Variants in ME3 observed in about 807,000 individuals in gnomAD.
ME3 encodes NADP-dependent malic enzyme, mitochondrial.
A neutral mutation model predicts 68.9 loss-of-function variants in ME3; 48 were observed. The ratio of observed to expected loss-of-function variants is 0.70; its 90% confidence interval spans 0.55 to 0.89. The LOEUF is 0.89. Among genes scored for constraint, ME3 ranks in the 40% least tolerant of loss-of-function variants. The pLI is 0.00. For missense variants in ME3, 675 were observed against 797.4 expected (o/e 0.85, Z 1.85); for synonymous variants, 320 against 318.8 (o/e 1.00, Z -0.04).
At chr11:86,655,845 C>A (rs921484824) in intron 2 of ME3, among the ~76,000 whole-genome samples, 23 of 152,128 alleles carry the variant, frequency 1.5e-4, no homozygotes, top group Admixed American at 2.6e-4. Flanking sequence ...TCGCAACCTA[C>A]TCATCTGACA....
chr11:86,521,467 G>A (rs1484716451), intron 4 of ME3, among the ~76,000 whole-genome samples: 2 of 136,072 alleles, frequency 1.5e-5, no homozygotes, highest in Non-Finnish European at 3.2e-5. Flanking sequence ...AAATGGAGCT[G>A]TAATCATTAA....
At chr11:86,474,164 G>A (rs1355911774) in intron 7 of ME3, among the ~76,000 whole-genome samples, 1 of 152,148 alleles carries the variant, frequency 6.6e-6, no homozygotes, top group Non-Finnish European at 1.5e-5. Flanking sequence ...TGGTGTGCTG[G>A]GGTCTGGCAG....
chr11:86,462,757 A>G, intron 8 of ME3: 1 of 477,780 alleles, frequency 2.1e-6, no homozygotes. Flanking sequence ...AATGCAATAC[A>G]GGCTTTTGGG....
chr11:86,519,868 G>A (rs1472538249), intron 4 of ME3, among the ~76,000 whole-genome samples: 1 of 152,256 alleles, frequency 6.6e-6, no homozygotes, highest in African/African-American at 2.4e-5. Context: ...CCTTGGAAGA[G>A]CTTTAAAATC....
At chr11:86,518,973 A>G (rs1366847498) in intron 4 of ME3, among the ~76,000 whole-genome samples, 1 of 152,222 alleles carries the variant, frequency 6.6e-6, no homozygotes, top group Non-Finnish European at 1.5e-5. Context: ...TGTCCCCCAC[A>G]GGTGTCAGAG....
intron 2 of ME3, among the ~76,000 whole-genome samples, chr11:86,600,763 C>T (rs1165497951): frequency 2.0e-5 from 3 of 151,864 alleles, no homozygotes; most frequent in African/African-American, 7.3e-5. Context: ...TCTCAGACCA[C>T]AGTGCAATCA....
chr11:86,488,285 T>C (rs898681065), intron 6 of ME3, among the ~76,000 whole-genome samples: 2 of 152,176 alleles, frequency 1.3e-5, no homozygotes, highest in African/African-American at 4.8e-5. Flanking sequence ...CAGGCAGAAT[T>C]TCATTGAAGT....
intron 2 of ME3, among the ~76,000 whole-genome samples, chr11:86,573,272 TCTTTA>T (rs1957908238): frequency 6.6e-6 from 1 of 152,202 alleles, no homozygotes; most frequent in African/African-American, 2.4e-5. Context: ...GTTGAGAAGC[TCTTTA>T]GTTTAATTAG....
intron 4 of ME3, among the ~76,000 whole-genome samples, chr11:86,547,239 C>CAAAA (rs1169843852): frequency 7.8e-4 from 36 of 45,898 alleles, no homozygotes; most frequent in African/African-American, 1.8e-3. Flanking sequence ...GACTCCATCT[C>CAAAA]AAAAAAAAAA....
chr11:86,452,757 T>C (rs998115113), intron 8 of ME3, among the ~76,000 whole-genome samples: 2 of 152,244 alleles, frequency 1.3e-5, no homozygotes, highest in Admixed American at 1.3e-4. Flanking sequence ...TTTATATAAG[T>C]TCTGTTGGAG....
intron 10 of ME3, 59 bp downstream of exon 10, chr11:86,449,830 T>C (rs1949533362): frequency 7.7e-7 from 1 of 1,299,654 alleles, no homozygotes; most frequent in Non-Finnish European, 1.1e-6. Context: ...CCTCTTCCAG[T>C]CCAGTTCCTG....
In ME3 at chr11:86,578,995, C is replaced by T. The variant is rs531759255; in HGVS notation, c.184-19172G>A. ...GCTCTAGCAAGTTCTAGAAATGAGA[C>T]TTGAATTTTGAGTTCTATTTCACCT... On this transcript the variant is annotated intron_variant, in intron 2 of 14. Transcript: ENST00000543262. Among the ~76,000 whole-genome samples the T allele has an allele frequency of 1.1e-4, 17 of 152,184 alleles. No homozygotes were observed. In the South Asian group the frequency reaches 1.2e-3, roughly 11 times the overall value.
chr11:86,508,677 G>GT, intron 5 of ME3, 115 bp downstream of exon 5: 2 of 902,514 alleles, frequency 2.2e-6, no homozygotes, highest in Non-Finnish European at 3.6e-6. Context: ...GGAATGGGAG[G>GT]TAGTATGCTG....
rs1010627657 is a variant in ME3 at position 86,493,379 on chromosome 11, A to G, written c.705+4584T>C. The stretch of plus-strand genomic sequence containing the variant: ...TGCCAAGAGAAGATCTCCAAGGCTC[A>G]GCAGGGTCATTTTAAAGCCAAGCTC... On this transcript the variant is annotated intron_variant, in intron 6 of 14. Transcript: ENST00000543262. Among the ~76,000 whole-genome samples, 3 of 152,334 alleles carry G rather than the reference A, an allele frequency of 2.0e-5. No individual in the cohort carries two copies. In the East Asian group the frequency reaches 5.8e-4, roughly 29 times the overall value.
intron 2 of ME3, among the ~76,000 whole-genome samples, chr11:86,655,708 ACACCAAAAGCAGTGG>A (rs1196680276): frequency 1.3e-5 from 2 of 151,836 alleles, no homozygotes; most frequent in Non-Finnish European, 2.9e-5. Context: ...CATGTCTAAA[ACACCAAAAGCAGTGG>A]CAACAAAAGA....
chr11:86,478,041 C>T (rs1231590855), intron 7 of ME3, among the ~76,000 whole-genome samples: 2 of 152,128 alleles, frequency 1.3e-5, no homozygotes, highest in Non-Finnish European at 2.9e-5. Context: ...TCTGTGCTTC[C>T]TCAGATGTGG....
At chr11:86,602,279 C>T (rs963607346) in intron 2 of ME3, among the ~76,000 whole-genome samples, 17 of 147,342 alleles carry the variant, frequency 1.2e-4, no homozygotes, top group Admixed American at 4.3e-4. Flanking sequence ...AATCAATGTA[C>T]AAAAATCACA....
chr11:86,521,455 A>AATAATAATAATAAT (rs57608294), intron 4 of ME3, among the ~76,000 whole-genome samples: 75 of 114,660 alleles, frequency 6.5e-4, no homozygotes, highest in African/African-American at 2.1e-3. Flanking sequence ...ATAATAATAA[A>AATAATAATAATAAT]AAAATGGAGC....
chr11:86,478,191 A>G (rs1393553728), intron 7 of ME3, among the ~76,000 whole-genome samples: 1 of 152,034 alleles, frequency 6.6e-6, no homozygotes, highest in East Asian at 1.9e-4. Context: ...CCATTGGTAG[A>G]GATGTTACTG....
Sources: allele counts gnomAD v4.1 joint callset (sites outside exome capture counted in the v4.1 genomes callset), GRCh38; gene constraint gnomAD v4.1.1; transcripts MANE v1.5; gene names NCBI Gene and HGNC (gene_info 2026-07-23, HGNC 2026-07-21).